Variants in GUCY1A1 observed in about 807,000 individuals in gnomAD.
GUCY1A1 encodes the protein guanylate cyclase soluble subunit alpha-1.
In GUCY1A1, 48 loss-of-function variants were observed where a neutral mutation model predicts 64.5. That is an observed-to-expected ratio of 0.74 (90% CI 0.59 to 0.95). GUCY1A1 has a LOEUF of 0.95. Among genes scored for constraint, GUCY1A1 ranks in the 40% least tolerant of loss-of-function variants. The pLI, the probability that GUCY1A1 is intolerant of heterozygous loss-of-function variation, is 0.00. For missense variants in GUCY1A1, 804 were observed against 825.3 expected (o/e 0.97, Z 0.32); for synonymous variants, 308 against 303.4 (o/e 1.02, Z -0.16).
At chr4:155,690,793 A>G (rs1181319694) in intron 2 of GUCY1A1, among the ~76,000 whole-genome samples, 1 of 152,204 alleles carries the variant, frequency 6.6e-6, no homozygotes, top group Non-Finnish European at 1.5e-5. Context: ...TGGAACTGAT[A>G]CATCAGAAAT....
At chr4:155,728,294 C>T (rs1303710211) in intron 9 of GUCY1A1, among the ~76,000 whole-genome samples, 1 of 151,866 alleles carries the variant, frequency 6.6e-6, no homozygotes, top group Admixed American at 6.6e-5. Context: ...TTACTATGTC[C>T]ACTCTGGCAG....
At chr4:155,701,832 C>A (rs1731123333) in intron 3 of GUCY1A1, among the ~76,000 whole-genome samples, 2 of 149,964 alleles carry the variant, frequency 1.3e-5, no homozygotes, top group African/African-American at 4.9e-5. Context: ...GTTCCTGGTT[C>A]AAGAAGCAAT....
intron 2 of GUCY1A1, 112 bp from the exon 3 acceptor site, chr4:155,696,644 T>A (rs1730446930): frequency 4.8e-6 from 2 of 414,274 alleles, no homozygotes; most frequent in East Asian, 3.6e-5. Context: ...TCCAGCAGAA[T>A]TTTTTTAACT....
intron 2 of GUCY1A1, among the ~76,000 whole-genome samples, chr4:155,673,676 G>A (rs2625278): frequency 0.57 from 86,569 of 151,004 alleles, 26,357 homozygotes; most frequent in African/African-American, 0.73. Flanking sequence ...TACCCTGTGT[G>A]TGGCGGAACG....
At position 155,736,918 on chromosome 4, in the gene GUCY1A1, CAT is replaced by C. The variant is rs1560984647; in HGVS notation, c.*6690_*6691del. ...TTACCTTCATAGTTACTTTAAATGA[CAT>C]ATTTATTTCGAGTTTTACTTCTGGC... On this transcript the variant is annotated 3_prime_UTR_variant, in exon 10 of 10. Transcript: ENST00000506455. 1 of 151,828 alleles carries C rather than the reference CAT, an allele frequency of 6.6e-6. No homozygotes were observed. The highest frequency in any genetic ancestry group is 1.5e-5 in the Non-Finnish European group (1 of 67,916). The allele number at this position is 151,828 out of a possible 1,614,324, so 9.4% of individuals were successfully genotyped here. A position where few individuals can be genotyped will look rare whatever the true frequency, so the allele number is the denominator to read the frequency against.
intron 7 of GUCY1A1, among the ~76,000 whole-genome samples, chr4:155,714,793 C>A (rs1238866742): frequency 6.6e-6 from 1 of 152,090 alleles, no homozygotes; most frequent in Non-Finnish European, 1.5e-5. Flanking sequence ...AGCCATGATT[C>A]CCTTGGGGAA....
intron 2 of GUCY1A1, among the ~76,000 whole-genome samples, chr4:155,675,328 A>T (rs187327704): frequency 2.0e-5 from 3 of 151,680 alleles, no homozygotes; most frequent in African/African-American, 7.3e-5. Flanking sequence ...TTATATCAAG[A>T]TCTTTAGCAC....
chr4:155,681,128 C>A lies in GUCY1A1; in HGVS notation c.-113+13709C>A, dbSNP rs562296923. On this transcript the variant is annotated intron_variant, in intron 2 of 9. Coordinates refer to ENST00000506455, the MANE Select transcript of GUCY1A1 (RefSeq NM_001130682.3). ...AATAGTGGAAAAGTGTTCAGTCTTTCATCATCAAGTATGACTCAATAATTA... is the reference window on the plus strand; with the variant it reads ...AATAGTGGAAAAGTGTTCAGTCTTTAATCATCAAGTATGACTCAATAATTA... Among the ~76,000 whole-genome samples the A allele has an allele frequency of 2.1e-3, 315 of 152,224 alleles. 2 individuals carry two copies. Among genetic ancestry groups the A allele is most frequent in the African/African-American group, 7.2e-3 (300 of 41,546 alleles).
chr4:155,697,804 C>A (rs138385111), intron 3 of GUCY1A1, among the ~76,000 whole-genome samples: 1 of 152,142 alleles, frequency 6.6e-6, no homozygotes, highest in Non-Finnish European at 1.5e-5. Flanking sequence ...ATCTAGAGCA[C>A]CTTCTGTCAA....
intron 5 of GUCY1A1, among the ~76,000 whole-genome samples, chr4:155,710,152 C>A (rs1732364539): frequency 6.6e-6 from 1 of 152,170 alleles, no homozygotes; most frequent in African/African-American, 2.4e-5. Context: ...CTGCTGGAAA[C>A]CCTCATAGAG....
chr4:155,710,544 G>T lies in GUCY1A1; in HGVS notation c.379G>T (p.Val127Phe), dbSNP rs377320757. ...GAACATGTATTATGTGATTTCAGGA[G>T]TTCCAGTGGAGGTTATCAAAGAATC... The part of the protein sequence containing the change: ...TIAEQAVAAG[V>F]PVEVIKESLG... Residue 127 changes from valine to phenylalanine, a missense_variant and splice_region_variant, in exon 6 of 10, where the codon GTT (valine) becomes TTT (phenylalanine). Transcript: ENST00000506455. 1 of 1,555,260 alleles carries T rather than the reference G, an allele frequency of 6.4e-7. No individual in the cohort carries two copies. The highest frequency in any genetic ancestry group is 2.2e-5 in the East Asian group (1 of 44,552).
At chr4:155,683,104 G>C (rs896426441) in intron 2 of GUCY1A1, among the ~76,000 whole-genome samples, 1 of 152,126 alleles carries the variant, frequency 6.6e-6, no homozygotes, top group Non-Finnish European at 1.5e-5. Flanking sequence ...TCACAGCAAA[G>C]TGCAAAAGGA....
At chr4:155,673,094 A>G (rs1734371678) in intron 2 of GUCY1A1, among the ~76,000 whole-genome samples, 1 of 151,944 alleles carries the variant, frequency 6.6e-6, no homozygotes. Context: ...TCTAATAAAA[A>G]TGCCATTATC....
At chr4:155,670,212 T>C (rs907902604) in intron 2 of GUCY1A1, among the ~76,000 whole-genome samples, 1 of 152,204 alleles carries the variant, frequency 6.6e-6, no homozygotes, top group Non-Finnish European at 1.5e-5. Context: ...CCACTTTTCT[T>C]AAACATTTCT....
intron 8 of GUCY1A1, among the ~76,000 whole-genome samples, chr4:155,719,064 A>C (rs748363646): frequency 2.0e-5 from 3 of 152,180 alleles, no homozygotes; most frequent in Non-Finnish European, 2.9e-5. Flanking sequence ...TTTTCACACA[A>C]ATACATTTTA....
At chr4:155,701,341 G>C (rs1731058205) in intron 3 of GUCY1A1, among the ~76,000 whole-genome samples, 1 of 152,054 alleles carries the variant, frequency 6.6e-6, no homozygotes, top group African/African-American at 2.4e-5. Flanking sequence ...GATTCAAAAT[G>C]GAAAGCCAAA....
At chr4:155,725,282 G>C (rs1204161974) in intron 9 of GUCY1A1, among the ~76,000 whole-genome samples, 1 of 152,036 alleles carries the variant, frequency 6.6e-6, no homozygotes, top group African/African-American at 2.4e-5. Flanking sequence ...TGACTCCTGG[G>C]TATGAAAACA....
chr4:155,682,650 C>T (rs931541572), intron 2 of GUCY1A1, among the ~76,000 whole-genome samples: 6 of 148,442 alleles, frequency 4.0e-5, no homozygotes, highest in African/African-American at 1.5e-4. Flanking sequence ...CCAGCCTGGG[C>T]AATAGAGTGA....
intron 3 of GUCY1A1, among the ~76,000 whole-genome samples, 189 bp from the exon 4 acceptor site, chr4:155,703,743 C>A (rs1036778661): frequency 3.9e-5 from 6 of 152,152 alleles, no homozygotes; most frequent in Non-Finnish European, 8.8e-5. Context: ...TGCTTCCTCT[C>A]CAGTTTGAAA....
Sources: allele counts gnomAD v4.1 joint callset (sites outside exome capture counted in the v4.1 genomes callset), GRCh38; gene constraint gnomAD v4.1.1; transcripts MANE v1.5; gene names NCBI Gene and HGNC (gene_info 2026-07-23, HGNC 2026-07-21).